The following SNAP29 variants were observed in gnomAD, a reference collection of about 807,000 sequenced individuals.
SNAP29 encodes the protein synaptosome associated protein 29.
Under a neutral mutation model 27.9 loss-of-function variants are expected in SNAP29, and 13 were observed. The ratio of observed to expected loss-of-function variants is 0.47; its 90% CI spans 0.30 to 0.74. The LOEUF (loss-of-function observed/expected upper bound fraction) is 0.74. Ranked by LOEUF, SNAP29 falls within the 30% of genes least tolerant of loss-of-function variation. The pLI is 0.06. For synonymous variants in SNAP29, 119 were observed against 127.1 expected, an observed-to-expected ratio of 0.94 and a Z score of 0.43; for missense variants, 368 against 336.5, an observed-to-expected ratio of 1.09 and a Z score of -0.73.
chr22:20,875,376 A>C lies in SNAP29; in HGVS notation c.434+4843A>C, dbSNP rs117104037. Among the ~76,000 whole-genome samples, 1,490 of 152,342 alleles carry C rather than the reference A, an allele frequency of 9.8e-3. 16 individuals are homozygous for C. The highest frequency in any genetic ancestry group is 0.055 in the East Asian group (283 of 5,186). On this transcript the variant is annotated intron_variant, in intron 2 of 4. Transcript: ENST00000215730. ...CATCTCTTAGTAAATTCAAGAAAGC[A>C]AAACTTTCACCCACACTCTGCAGTT...
chr22:20,877,823 A>G (rs1045191228), intron 2 of SNAP29, among the ~76,000 whole-genome samples: 1 of 152,240 alleles, frequency 6.6e-6, no homozygotes, highest in Non-Finnish European at 1.5e-5. Flanking sequence ...GTGATGGCAC[A>G]TAGAAAGAAT....
intron 4 of SNAP29, among the ~76,000 whole-genome samples, chr22:20,887,461 A>C (rs1601656764): frequency 6.6e-6 from 1 of 151,704 alleles, no homozygotes; most frequent in African/African-American, 2.4e-5. Flanking sequence ...ACAAACACAC[A>C]CACACATACA....
intron 1 of SNAP29, among the ~76,000 whole-genome samples, chr22:20,863,234 G>A (rs1928372518): frequency 6.6e-6 from 1 of 152,298 alleles, no homozygotes; most frequent in Admixed American, 6.5e-5. Flanking sequence ...GAACAGAGGA[G>A]TATGAGCTCT....
chr22:20,863,739 C>T (rs1375392455), intron 1 of SNAP29, among the ~76,000 whole-genome samples: 6 of 151,934 alleles, frequency 3.9e-5, no homozygotes, highest in Non-Finnish European at 8.8e-5. Flanking sequence ...TCAAAACATA[C>T]AAAAGGGTGT....
In SNAP29 at chr22:20,888,100, G is replaced by A. The variant is rs540777135; in HGVS notation, c.*264G>A. ...ACAGTAGCCTGGCCCTGCATATCTTGGGCGTTTGATTACCATGCTGGAATA... is the reference window on the plus strand; with the variant it reads ...ACAGTAGCCTGGCCCTGCATATCTTAGGCGTTTGATTACCATGCTGGAATA... On this transcript the variant is annotated 3_prime_UTR_variant, in exon 5 of 5. Transcript: ENST00000215730. 2.2e-6 allele frequency: 1 copy of A among 464,256 alleles called. No homozygotes were observed. The highest frequency in any genetic ancestry group is 4.3e-5 in the East Asian group (1 of 23,472). 28.8% of individuals were successfully genotyped at this position (464,256 alleles called of 1,614,324 possible).
At chr22:20,873,773 G>A (rs1012757830) in intron 2 of SNAP29, among the ~76,000 whole-genome samples, 4 of 148,542 alleles carry the variant, frequency 2.7e-5, no homozygotes, top group Non-Finnish European at 4.5e-5. Context: ...TGTGAGACCA[G>A]GCCAGCCAAC....
rs1431606485 is a variant in SNAP29 at position 20,889,553 on chromosome 22, A to G, written c.*1717A>G. On this transcript the variant is annotated 3_prime_UTR_variant, in exon 5 of 5. Transcript: ENST00000215730. ...CAATAACTGGTAGAAGGGAAATTTTAAACATAACACTCAACCCAAACAAAA... is the reference window on the plus strand; with the variant it reads ...CAATAACTGGTAGAAGGGAAATTTTGAACATAACACTCAACCCAAACAAAA... 1 of 152,210 alleles carries G rather than the reference A, an allele frequency of 6.6e-6. No homozygotes were observed. The highest frequency in any genetic ancestry group is 1.5e-5 in the Non-Finnish European group (1 of 68,032). 9.4% of individuals were successfully genotyped at this position (152,210 alleles called of 1,614,324 possible). A position where few individuals can be genotyped will look rare whatever the true frequency, so the allele number is the denominator to read the frequency against.
intron 1 of SNAP29, among the ~76,000 whole-genome samples, chr22:20,866,381 T>A (rs25188): frequency 6.6e-6 from 1 of 152,036 alleles, no homozygotes; most frequent in Non-Finnish European, 1.5e-5. Context: ...AAGGGAGAGA[T>A]GGAACAAAGA....
At chr22:20,859,370 G>C (rs1569112521) in intron 1 of SNAP29, 23 bp downstream of exon 1, 2 of 1,506,344 alleles carry the variant, frequency 1.3e-6, no homozygotes, top group Non-Finnish European at 1.8e-6. Flanking sequence ...CAGGGCTGGT[G>C]TGGACTCGCC....
chr22:20,860,898 A>G (rs1227769894), intron 1 of SNAP29, among the ~76,000 whole-genome samples: 1 of 152,082 alleles, frequency 6.6e-6, no homozygotes, highest in Non-Finnish European at 1.5e-5. Context: ...TTAGCCAGGC[A>G]TGGTGGCACA....
At chr22:20,877,486 G>A (rs1164427761) in intron 2 of SNAP29, among the ~76,000 whole-genome samples, 1 of 152,120 alleles carries the variant, frequency 6.6e-6, no homozygotes, top group African/African-American at 2.4e-5. Context: ...AACCAGGGAG[G>A]CAGAGGTTGC....
rs1308021258 is a variant in SNAP29, at chr22:20,888,665, T to A, written c.*829T>A. On this transcript the variant is annotated 3_prime_UTR_variant, in exon 5 of 5. Coordinates refer to ENST00000215730, the MANE Select transcript of SNAP29 (RefSeq NM_004782.4). ...GAGGCTGACCGACAGGGGCGCCCAA[T>A]AGAGTTTGTGGGAATGGAGTATTGC... 1.3e-5 allele frequency: 2 copies of A among 152,788 alleles called. No homozygotes were observed. Among genetic ancestry groups the A allele is most frequent in the Non-Finnish European group, 2.9e-5 (2 of 68,516 alleles). The allele number at this position is 152,788 out of a possible 1,614,324, so 9.5% of individuals were successfully genotyped here.
intron 2 of SNAP29, chr22:20,870,829 T>C: frequency 2.2e-6 from 1 of 453,896 alleles, no homozygotes. Context: ...TCACTTCACA[T>C]AATTTTTGCT....
At chr22:20,864,369 A>G (rs978156237) in intron 1 of SNAP29, among the ~76,000 whole-genome samples, 6 of 152,134 alleles carry the variant, frequency 3.9e-5, no homozygotes, top group African/African-American at 1.4e-4. Context: ...CCAGCACACA[A>G]CAGTCACCCA....
rs886057274 is a variant in SNAP29 at position 20,890,140 on chromosome 22, C to T, written c.*2304C>T. ...AGCTGGTCCTTTCTGCCACTTCTTCCCCACTCCCATGCCCAGGAAGGCCTG... is the reference window on the plus strand; with the variant it reads ...AGCTGGTCCTTTCTGCCACTTCTTCTCCACTCCCATGCCCAGGAAGGCCTG... On this transcript the variant is annotated 3_prime_UTR_variant, in exon 5 of 5. Coordinates refer to ENST00000215730, the MANE Select transcript of SNAP29 (RefSeq NM_004782.4). 4 of 396,694 alleles carry T rather than the reference C, an allele frequency of 1.0e-5. No homozygotes were observed. The Admixed American group carries it at 1.3e-4, about 13-fold the overall frequency. 24.6% of individuals were successfully genotyped at this position (396,694 alleles called of 1,614,324 possible).
Position 20,871,393 on chromosome 22 carries a change from G to A in SNAP29, c.434+860G>A, listed in dbSNP as rs1928587890. 3.4e-5 allele frequency among the ~76,000 whole-genome samples: 5 copies of A among 149,242 alleles called. No homozygotes were observed. The Admixed American group carries it at 3.4e-4, about 10-fold the overall frequency. Reference sequence around the variant, plus strand: ...AGCTACAGGGGAGACTGAGGTGGAAGGATTGCTTTAGCCCAGGTGTTAGAG... The same window carrying A: ...AGCTACAGGGGAGACTGAGGTGGAAAGATTGCTTTAGCCCAGGTGTTAGAG... On this transcript the variant is annotated intron_variant, in intron 2 of 4. Coordinates refer to ENST00000215730, the MANE Select transcript of SNAP29 (RefSeq NM_004782.4).
chr22:20,887,226 A>G (rs1282801958), intron 4 of SNAP29, among the ~76,000 whole-genome samples: 1 of 147,348 alleles, frequency 6.8e-6, no homozygotes, highest in Non-Finnish European at 1.5e-5. Context: ...TGCTGTCTCA[A>G]AAAAAAAAAA....
intron 2 of SNAP29, chr22:20,871,125 GA>G (rs362232): frequency 0.26 from 27,571 of 108,088 alleles, 2,587 homozygotes; most frequent in Middle Eastern, 0.39. Context: ...CCTGTCTCAA[GA>G]AAAAAAAAAA....
chr22:20,873,865 G>T (rs560880698), intron 2 of SNAP29, among the ~76,000 whole-genome samples: 16 of 150,960 alleles, frequency 1.1e-4, no homozygotes, highest in African/African-American at 3.9e-4. Context: ...CTACTTGGGA[G>T]GCTGAGGAGG....
Sources: allele counts gnomAD v4.1 joint callset (sites outside exome capture counted in the v4.1 genomes callset), GRCh38; gene constraint gnomAD v4.1.1; transcripts MANE v1.5; gene names NCBI Gene and HGNC (gene_info 2026-07-23, HGNC 2026-07-21).